Variants in KCTD16 observed in about 807,000 individuals in gnomAD.
The protein encoded by KCTD16 is BTB/POZ domain-containing protein KCTD16.
In KCTD16, 13 loss-of-function variants were observed where a neutral mutation model predicts 33.2. The ratio of observed to expected loss-of-function variants is 0.39; its 90% CI spans 0.25 to 0.62. KCTD16 has a LOEUF of 0.62. KCTD16 is among the 20% of genes least tolerant of loss of function. The pLI, the probability that KCTD16 is intolerant of heterozygous loss-of-function variation, is 0.50. For synonymous variants in KCTD16, 197 were observed against 195.3 expected (o/e 1.01, Z -0.07); for missense variants, 441 against 525.1 (o/e 0.84, Z 1.57).
At chr5:144,413,959 G>A (rs1023390609) in intron 3 of KCTD16, among the ~76,000 whole-genome samples, 1 of 152,180 alleles carries the variant, frequency 6.6e-6, no homozygotes, top group African/African-American at 2.4e-5. Flanking sequence ...GTCCTCATCT[G>A]TGAGCTAAAG....
intron 3 of KCTD16, among the ~76,000 whole-genome samples, chr5:144,339,971 G>C (rs1385257895): frequency 6.6e-6 from 1 of 152,020 alleles, no homozygotes; most frequent in Non-Finnish European, 1.5e-5. Context: ...ACTCCAAACA[G>C]AATCAACTAT....
intron 3 of KCTD16, among the ~76,000 whole-genome samples, chr5:144,312,815 T>C (rs1002254298): frequency 6.6e-6 from 1 of 152,238 alleles, no homozygotes; most frequent in Non-Finnish European, 1.5e-5. Flanking sequence ...TGGAATGGTG[T>C]TGAAACTCCC....
chr5:144,186,386 TTATTG>T (rs2126777045), intron 2 of KCTD16, among the ~76,000 whole-genome samples: 1 of 150,164 alleles, frequency 6.7e-6, no homozygotes, highest in East Asian at 1.9e-4. Context: ...AACTAATGGC[TTATTG>T]TCCCTGTTCA....
chr5:144,419,806 A>G (rs929229415), intron 3 of KCTD16, among the ~76,000 whole-genome samples: 2 of 152,148 alleles, frequency 1.3e-5, no homozygotes, highest in Admixed American at 1.3e-4. Flanking sequence ...AAGTAATTTA[A>G]TTTAAATTAG....
At chr5:144,353,129 T>C (rs149720288) in intron 3 of KCTD16, among the ~76,000 whole-genome samples, 1 of 152,290 alleles carries the variant, frequency 6.6e-6, no homozygotes, top group African/African-American at 2.4e-5. Context: ...TTGGAAATAG[T>C]GTTGTTCCCA....
chr5:144,243,117 G>T (rs1474230150), intron 3 of KCTD16, among the ~76,000 whole-genome samples: 1 of 152,144 alleles, frequency 6.6e-6, no homozygotes, highest in East Asian at 1.9e-4. Flanking sequence ...ATGGGTATTT[G>T]GGAGGAAGAC....
chr5:144,299,072 A>ATATATATATATATTTT (rs1491103244), intron 3 of KCTD16, among the ~76,000 whole-genome samples: 10 of 57,426 alleles, frequency 1.7e-4, no homozygotes, highest in Non-Finnish European at 2.7e-4. Context: ...ATATATATAT[A>ATATATATATATATTTT]TTTTTGTATA....
At chr5:144,377,117 A>G (rs978053485) in intron 3 of KCTD16, among the ~76,000 whole-genome samples, 1 of 152,228 alleles carries the variant, frequency 6.6e-6, no homozygotes, top group Non-Finnish European at 1.5e-5. Context: ...GTCTGCAATT[A>G]TAGCTCTCCA....
chr5:144,220,037 G>C (rs953557746), intron 3 of KCTD16, among the ~76,000 whole-genome samples: 3 of 152,136 alleles, frequency 2.0e-5, no homozygotes, highest in Admixed American at 2.0e-4. Flanking sequence ...CCTCTGGTCT[G>C]CTCACCTGTC....
chr5:144,220,088 T>C (rs1406300950), intron 3 of KCTD16, among the ~76,000 whole-genome samples: 1 of 152,178 alleles, frequency 6.6e-6, no homozygotes, highest in Non-Finnish European at 1.5e-5. Context: ...ATTGCCCTTT[T>C]GATGGCTCTT....
intron 3 of KCTD16, among the ~76,000 whole-genome samples, chr5:144,368,354 G>T (rs532712935): frequency 1.3e-5 from 2 of 152,190 alleles, no homozygotes; most frequent in East Asian, 3.9e-4. Context: ...TCAGAGAGGT[G>T]GGAGTCAGAA....
chr5:144,290,532 A>T (rs941846149), intron 3 of KCTD16, among the ~76,000 whole-genome samples: 2 of 152,216 alleles, frequency 1.3e-5, no homozygotes, highest in Non-Finnish European at 2.9e-5. Context: ...CAATTACAAG[A>T]AAAGTAAAAG....
At chr5:144,440,451 T>C (rs1024313420) in intron 3 of KCTD16, among the ~76,000 whole-genome samples, 3 of 152,194 alleles carry the variant, frequency 2.0e-5, no homozygotes, top group Non-Finnish European at 4.4e-5. Context: ...CTCCAATGCC[T>C]AAGAGTTCCA....
At chr5:144,345,614 G>A (rs1156571782) in intron 3 of KCTD16, among the ~76,000 whole-genome samples, 1 of 152,152 alleles carries the variant, frequency 6.6e-6, no homozygotes, top group Non-Finnish European at 1.5e-5. Context: ...CTTAGAGAAT[G>A]GGAATACAGC....
intron 3 of KCTD16, among the ~76,000 whole-genome samples, chr5:144,223,785 A>G (rs1030907302): frequency 1.3e-5 from 2 of 152,078 alleles, no homozygotes; most frequent in African/African-American, 4.8e-5. Context: ...TAGGCTGTAA[A>G]TGAAGTCCTA....
intron 3 of KCTD16, among the ~76,000 whole-genome samples, chr5:144,368,630 C>CA (rs1326552018): frequency 6.6e-6 from 1 of 152,166 alleles, no homozygotes; most frequent in Non-Finnish European, 1.5e-5. Context: ...TTCTGAGACT[C>CA]AGAGTAGAGA....
At chr5:144,353,442 C>G (rs1265007658) in intron 3 of KCTD16, among the ~76,000 whole-genome samples, 1 of 152,120 alleles carries the variant, frequency 6.6e-6, no homozygotes, top group Non-Finnish European at 1.5e-5. Flanking sequence ...TGCTTTAAAC[C>G]AGCTATAGAC....
chr5:144,447,207 C>T (rs1404199200), intron 3 of KCTD16, among the ~76,000 whole-genome samples: 9 of 152,132 alleles, frequency 5.9e-5, no homozygotes, highest in Admixed American at 5.9e-4. Flanking sequence ...CACATATGCA[C>T]CATAGAATAC....
At chr5:144,387,865 T>C (rs1752360020) in intron 3 of KCTD16, among the ~76,000 whole-genome samples, 1 of 152,094 alleles carries the variant, frequency 6.6e-6, no homozygotes, top group Non-Finnish European at 1.5e-5. Flanking sequence ...TTAGAGCCCC[T>C]TCCCCCTTTT....
Sources: gnomAD v4.1 joint callset for allele counts (sites outside exome capture counted in the v4.1 genomes callset) on GRCh38, gnomAD v4.1.1 for gene constraint, MANE v1.5 for transcripts, NCBI Gene and HGNC (gene_info 2026-07-23, HGNC 2026-07-21) for gene names.